ZSCAN22: variants seen among roughly 807,000 people sequenced by gnomAD.
The protein encoded by ZSCAN22 is zinc finger and SCAN domain containing 22.
In ZSCAN22, 7 loss-of-function variants were observed where a neutral mutation model predicts 12.4. The ratio of observed to expected loss-of-function variants is 0.57; its 90% confidence interval spans 0.32 to 1.06. The LOEUF is 1.06. Ranked by LOEUF, ZSCAN22 falls within the 50% of genes least tolerant of loss-of-function variation. The pLI is 0.04. For missense variants in ZSCAN22, 576 were observed against 631.7 expected, an observed-to-expected ratio of 0.91 and a Z score of 0.94; for synonymous variants, 243 against 255.9, an observed-to-expected ratio of 0.95 and a Z score of 0.48.
rs765291789 is a variant in ZSCAN22, at chr19:58,338,961, C to G, written c.1111C>G (p.Gln371Glu). ...FSRSTHLTQH[Q>E]RVHTGERPYE... Reference sequence around the variant, plus strand: ...CCGCAGCACTCACCTCACCCAGCACCAGCGGGTGCACACGGGGGAGCGGCC... The same window carrying G: ...CCGCAGCACTCACCTCACCCAGCACGAGCGGGTGCACACGGGGGAGCGGCC... Residue 371 changes from glutamine to glutamate, a missense_variant, in exon 3 of 3, where the codon CAG becomes GAG. Coordinates refer to ENST00000329665, the MANE Select transcript of ZSCAN22 (RefSeq NM_181846.3). The surrounding 1 kb of genome is among the most constrained non-coding windows in gnomAD (Gnocchi z 5.4). The G allele has an allele frequency of 6.2e-7, 1 of 1,613,888 alleles. No individual in the cohort carries two copies. The highest frequency in any genetic ancestry group is 8.5e-7 in the Non-Finnish European group (1 of 1,179,854).
Position 58,335,263 on chromosome 19 carries a change from C to T in ZSCAN22, c.403+58C>T, listed in dbSNP as rs573080036. The stretch of plus-strand genomic sequence containing the variant: ...ACCAGAGATACACCCTGGACAGGAA[C>T]ATGGGAGCACAGGGCTCTGGTTTGG... On this transcript the variant is annotated intron_variant, in intron 2 of 2. Transcript: ENST00000329665. The surrounding 1 kb of genome is among the most constrained non-coding windows in gnomAD (Gnocchi z 4.1). The T allele has an allele frequency of 6.3e-5, 92 of 1,468,072 alleles. No individual in the cohort carries two copies. The highest frequency in any genetic ancestry group is 3.6e-4 in the Middle Eastern group (2 of 5,594). The allele number at this position is 1,468,072 out of a possible 1,614,324, so 90.9% of individuals were successfully genotyped here.
Position 58,334,877 on chromosome 19 carries a change from G to A in ZSCAN22, c.75G>A (p.Glu25=), listed in dbSNP as rs147469293. The stretch of plus-strand genomic sequence containing the variant: ...GCTTCCTTCAAGTGAAGGTGGAGGA[G>A]GAAGAGGAAGCCAGCCTCTCCCAGG... ...EDSFLQVKVE[E]EEEASLSQGG... Residue 25 remains glutamate (E), a synonymous_variant, in exon 2 of 3, where the codon GAG becomes GAA. Coordinates refer to ENST00000329665, the MANE Select transcript of ZSCAN22 (RefSeq NM_181846.3). 7.5e-4 allele frequency: 1,218 copies of A among 1,613,936 alleles called. 10 individuals are homozygous for A. In the Admixed American group the frequency reaches 0.015, roughly 20 times the overall value.
In ZSCAN22 at chr19:58,334,846, A is replaced by G. The variant is rs1456476277; in HGVS notation, c.44A>G (p.Glu15Gly). 1.2e-6 allele frequency: 2 copies of G among 1,613,472 alleles called. No homozygotes were observed. The highest frequency in any genetic ancestry group is 1.7e-6 in the Non-Finnish European group (2 of 1,179,826). The change falls in exon 2 of 3, where the codon GAG becomes GGG. Residue 15 changes from glutamate (E) to glycine (G), a missense_variant. Physicochemically the swap from Glu to Gly is moderately conservative, Grantham distance 98. Transcript: ENST00000329665. The stretch of plus-strand genomic sequence containing the variant: ...TCCCTGAGCCCAGTGCCGTGGGAAG[A>G]GGACAGCTTCCTTCAAGTGAAGGTG... ...KHSLSPVPWEEDSFLQVKVEE... is the reference protein window; with the variant it reads ...KHSLSPVPWEGDSFLQVKVEE...
intron 1 of ZSCAN22, among the ~76,000 whole-genome samples, chr19:58,327,542 G>C (rs1007742174): frequency 3.3e-5 from 5 of 152,194 alleles, no homozygotes; most frequent in Non-Finnish European, 4.4e-5. Context: ...GGCCTGGGAG[G>C]GTGTGGGGCG....
rs1459036833 is a variant in ZSCAN22 at position 58,338,632 on chromosome 19, C to A, written c.782C>A (p.Thr261Asn). ...VDAYGTEPPY[T>N]YSGKRSSKCR... Reference sequence around the variant, plus strand: ...GCTTATGGGACAGAGCCTCCATACACCTACTCAGGGAAGAGGTCCTCCAAG... The same window carrying A: ...GCTTATGGGACAGAGCCTCCATACAACTACTCAGGGAAGAGGTCCTCCAAG... The change falls in exon 3 of 3, where the codon ACC becomes AAC. Residue 261 changes from threonine (T) to asparagine (N), a missense_variant. Thr to Asn is a moderately conservative substitution (Grantham distance 65). Transcript: ENST00000329665. This position sits in a 1 kb window ranked among gnomAD's most constrained non-coding sequence, Gnocchi z 5.4. 4 of 1,614,232 alleles carry A rather than the reference C, an allele frequency of 2.5e-6. No individual in the cohort carries two copies. The highest frequency in any genetic ancestry group is 2.2e-5 in the East Asian group (1 of 44,882).
chr19:58,336,980 C>T (rs1218429672), intron 2 of ZSCAN22, among the ~76,000 whole-genome samples: 1 of 152,216 alleles, frequency 6.6e-6, no homozygotes, highest in Non-Finnish European at 1.5e-5. Context: ...TCTGCCTCCT[C>T]CCTGGAATCC....
At chr19:58,336,551 A>C (rs2051799748) in intron 2 of ZSCAN22, among the ~76,000 whole-genome samples, 1 of 152,042 alleles carries the variant, frequency 6.6e-6, no homozygotes, top group East Asian at 1.9e-4. Flanking sequence ...GGCCAAGCAG[A>C]TGGCTGGGGG....
At chr19:58,331,226 T>C (rs1455052539) in intron 1 of ZSCAN22, among the ~76,000 whole-genome samples, 1 of 151,354 alleles carries the variant, frequency 6.6e-6, no homozygotes, top group Non-Finnish European at 1.5e-5. Flanking sequence ...TTTTTTTTTT[T>C]TTTTTTTTGA....
intron 1 of ZSCAN22, among the ~76,000 whole-genome samples, chr19:58,328,124 T>C (rs1029813131): frequency 2.0e-5 from 3 of 152,222 alleles, no homozygotes; most frequent in Non-Finnish European, 4.4e-5. Context: ...GTGCTGGGAT[T>C]ATAGGCATGA....
rs1433178786 is a variant in ZSCAN22 at position 58,342,073 on chromosome 19, A to G, written c.*2747A>G. ...TTCACCCATTTGGTCGTTGAGACAT[A>G]TCTGTCCATGTCTGTCTAAAAGGGG... On this transcript the variant is annotated 3_prime_UTR_variant, in exon 3 of 3. Coordinates refer to ENST00000329665, the MANE Select transcript of ZSCAN22 (RefSeq NM_181846.3). 3.3e-5 allele frequency: 5 copies of G among 152,234 alleles called. No homozygotes were observed. Among genetic ancestry groups the G allele is most frequent in the Admixed American group, 3.3e-4 (5 of 15,284 alleles). 9.4% of individuals were successfully genotyped at this position (152,234 alleles called of 1,614,324 possible).
chr19:58,339,005 T>C lies in ZSCAN22; in HGVS notation c.1155T>C (p.Cys385=), dbSNP rs764204874. ...TGERPYECDA[C]GKAFSQSTHL... ...AGCGGCCCTACGAGTGTGACGCGTG[T>C]GGGAAAGCCTTCAGCCAGAGCACGC... Residue 385 remains cysteine, a synonymous_variant, in exon 3 of 3, where the codon TGT becomes TGC. Transcript: ENST00000329665. The surrounding 1 kb of genome is among the most constrained non-coding windows in gnomAD (Gnocchi z 5.6). 1.2e-6 allele frequency: 2 copies of C among 1,612,648 alleles called. No individual in the cohort carries two copies. Among genetic ancestry groups the C allele is most frequent in the Admixed American group, 3.3e-5 (2 of 59,760 alleles).
intron 2 of ZSCAN22, among the ~76,000 whole-genome samples, chr19:58,337,807 A>G (rs1335478197): frequency 7.1e-6 from 1 of 141,058 alleles, no homozygotes; most frequent in Non-Finnish European, 1.5e-5. Context: ...CAGAGATCAG[A>G]GCCTGCAGGG....
intron 2 of ZSCAN22, among the ~76,000 whole-genome samples, chr19:58,337,071 A>G (rs968938749): frequency 2.0e-5 from 3 of 152,090 alleles, no homozygotes; most frequent in Admixed American, 6.5e-5. Context: ...CCTCATGCAC[A>G]CTCTGATCTC....
chr19:58,332,674 T>A (rs936767666), intron 1 of ZSCAN22, among the ~76,000 whole-genome samples: 2 of 152,232 alleles, frequency 1.3e-5, no homozygotes, highest in Non-Finnish European at 2.9e-5. Context: ...AGTGTTCCAT[T>A]ATAGGTATAT....
Position 58,339,540 on chromosome 19 carries a change from T to G in ZSCAN22, c.*214T>G. The G allele has an allele frequency of 1.8e-6, 1 of 550,594 alleles. No individual in the cohort carries two copies. The highest frequency in any genetic ancestry group is 2.7e-5 in the South Asian group (1 of 37,720). 34.1% of individuals were successfully genotyped at this position (550,594 alleles called of 1,614,324 possible). On this transcript the variant is annotated 3_prime_UTR_variant, in exon 3 of 3. Transcript: ENST00000329665. This position sits in a 1 kb window ranked among gnomAD's most constrained non-coding sequence, Gnocchi z 5.6. The stretch of plus-strand genomic sequence containing the variant: ...GGTGATTCAGGCCAGCTGGAGAAGC[T>G]TCCAGAAGGGCCCTGCACTGCTACC...
rs2051692179 is a variant in ZSCAN22 at position 58,329,145 on chromosome 19, C to T, written c.-52+2031C>T. ...GGGGCTTAGAAAGGCCACAAGAGAC[C>T]CAGGAGAACTTTACAGTGCGGCGAA... On this transcript the variant is annotated intron_variant, in intron 1 of 2. Transcript: ENST00000329665. This position sits in a 1 kb window ranked among gnomAD's most constrained non-coding sequence, Gnocchi z 4.1. Among the ~76,000 whole-genome samples the T allele has an allele frequency of 6.6e-6, 1 of 152,130 alleles. No individual in the cohort carries two copies. Among genetic ancestry groups the T allele is most frequent in the African/African-American group, 2.4e-5 (1 of 41,414 alleles).
At position 58,338,476 on chromosome 19, in the gene ZSCAN22, G is replaced by A. The variant is rs767302841; in HGVS notation, c.626G>A (p.Gly209Glu). The change falls in exon 3 of 3, where the codon GGG becomes GAG. Residue 209 changes from glycine (G) to glutamate (E), a missense_variant. Gly to Glu is a moderately conservative substitution (Grantham distance 98). Transcript: ENST00000329665. This position sits in a 1 kb window ranked among gnomAD's most constrained non-coding sequence, Gnocchi z 5.4. ...TQQIHFKKTS[G>E]PYKDVPTDQR... ...CAGATCCACTTCAAGAAAACTTCAG[G>A]GCCTTACAAGGATGTCCCCACAGAC... is the stretch of plus-strand genomic sequence containing the variant. The A allele has an allele frequency of 8.7e-6, 14 of 1,614,114 alleles. No homozygotes were observed. In the Admixed American group the frequency reaches 2.3e-4, roughly 27 times the overall value.
At position 58,334,722 on chromosome 19, in the gene ZSCAN22, T is replaced by C. The variant is rs1293631800; in HGVS notation, c.-51-30T>C. ...GGCATGAGGCAGGGCCCAGGTTCCA[T>C]GTGATGCTGAAGCTCTGACATTCCT... On this transcript the variant is annotated intron_variant, in intron 1 of 2. Coordinates refer to ENST00000329665, the MANE Select transcript of ZSCAN22 (RefSeq NM_181846.3). 4.2e-6 allele frequency: 6 copies of C among 1,444,794 alleles called. No individual in the cohort carries two copies. The Admixed American group carries it at 9.6e-5, about 23-fold the overall frequency. 89.5% of individuals were successfully genotyped at this position (1,444,794 alleles called of 1,614,324 possible). A position where few individuals can be genotyped will look rare whatever the true frequency, so the allele number is the denominator to read the frequency against.
At position 58,338,630 on chromosome 19, in the gene ZSCAN22, C is replaced by T. The variant is rs1043232866; in HGVS notation, c.780C>T (p.Tyr260=). Residue 260 remains tyrosine (Y), a synonymous_variant, in exon 3 of 3, where the codon TAC becomes TAT. Transcript: ENST00000329665. The surrounding 1 kb of genome is among the most constrained non-coding windows in gnomAD (Gnocchi z 5.4). ...LVDAYGTEPP[Y]TYSGKRSSKC... ...ATGCTTATGGGACAGAGCCTCCATA[C>T]ACCTACTCAGGGAAGAGGTCCTCCA... 14 of 1,614,116 alleles carry T rather than the reference C, an allele frequency of 8.7e-6. No individual in the cohort carries two copies. Among genetic ancestry groups the T allele is most frequent in the South Asian group, 3.3e-5 (3 of 91,084 alleles).
Sources: gnomAD v4.1 joint callset for allele counts (sites outside exome capture counted in the v4.1 genomes callset) on GRCh38, gnomAD v4.1.1 for gene constraint, Gnocchi (gnomAD v3.1) non-coding constraint, MANE v1.5 for transcripts, NCBI Gene and HGNC (gene_info 2026-07-23, HGNC 2026-07-21) for gene names.